The following ARHGEF3 variants were observed in gnomAD, a reference collection of about 807,000 sequenced individuals.
The protein encoded by ARHGEF3 is 59.8 kDA protein.
In ARHGEF3, 28 loss-of-function variants were observed where a neutral mutation model predicts 63.2. The observed-to-expected ratio is 0.44, with a 90% CI of 0.33 to 0.61. The LOEUF (loss-of-function observed/expected upper bound fraction) is 0.61, where lower values mean the gene tolerates loss of function less well. Among genes scored for constraint, ARHGEF3 ranks in the 20% least tolerant of loss-of-function variants. The probability of loss-of-function intolerance (pLI) is 0.03; values close to 1 mark genes in which losing one functional copy is unlikely to be tolerated. For synonymous variants in ARHGEF3, 266 were observed against 254.2 expected (o/e 1.05, Z -0.44); for missense variants, 533 against 659.3 (o/e 0.81, Z 2.10).
chr3:56,763,622 A>C (rs1272276085), intron 2 of ARHGEF3, among the ~76,000 whole-genome samples: 1 of 152,236 alleles, frequency 6.6e-6, no homozygotes, highest in Non-Finnish European at 1.5e-5. Context: ...GTGAGAGAAG[A>C]AAGATCCCAA....
At chr3:56,807,999 C>T (rs2037926116) in intron 4 of ARHGEF3, among the ~76,000 whole-genome samples, 1 of 151,978 alleles carries the variant, frequency 6.6e-6, no homozygotes, top group Non-Finnish European at 1.5e-5. Flanking sequence ...TGGCGGGTGC[C>T]TGTAGTCCTA....
At chr3:56,854,939 AGCAGTAAACAGGAGAGTGT>A in intron 4 of ARHGEF3, among the ~76,000 whole-genome samples, 1 of 152,202 alleles carries the variant, frequency 6.6e-6, no homozygotes, top group Non-Finnish European at 1.5e-5. Context: ...CAGAAATGTG[AGCAGTAAACAGGAGAGTGT>A]GCAGTCACAG....
At chr3:56,764,238 C>A (rs2035577637) in intron 2 of ARHGEF3, among the ~76,000 whole-genome samples, 1 of 152,080 alleles carries the variant, frequency 6.6e-6, no homozygotes, top group African/African-American at 2.4e-5. Context: ...TAGTGCAAGT[C>A]CAAAATTAGG....
intron 2 of ARHGEF3, among the ~76,000 whole-genome samples, chr3:57,014,191 C>T (rs1702853848): frequency 6.6e-6 from 1 of 152,124 alleles, no homozygotes; most frequent in Non-Finnish European, 1.5e-5. Flanking sequence ...CACGAACCCA[C>T]CAGAAGGAAA....
At chr3:56,930,378 A>G (rs141698208) in intron 3 of ARHGEF3, among the ~76,000 whole-genome samples, 21 of 152,324 alleles carry the variant, frequency 1.4e-4, no homozygotes, top group African/African-American at 4.8e-4. Flanking sequence ...TTGCTAAACC[A>G]GAGACTTTTA....
chr3:56,784,901 T>G (rs1469877906), intron 1 of ARHGEF3, among the ~76,000 whole-genome samples: 1 of 152,154 alleles, frequency 6.6e-6, no homozygotes, highest in Non-Finnish European at 1.5e-5. Flanking sequence ...TGAAGATGAC[T>G]CTCCTACCTT....
At chr3:56,750,963 A>T in intron 6 of ARHGEF3, 93 bp downstream of exon 6, 1 of 908,500 alleles carries the variant, frequency 1.1e-6, no homozygotes, top group Non-Finnish European at 1.5e-6. Flanking sequence ...TTGTAAAAAA[A>T]TAAAAATAAA....
At position 56,935,742 on chromosome 3, in the gene ARHGEF3, G is replaced by A. The variant is rs1056159001; in HGVS notation, c.129+23081C>T. ...ATCAGAAGGAACAAACTCCACACGC[G>A]CCACCTTAAGAGCTGTAACACTCAC... On this transcript the variant is annotated intron_variant, in intron 3 of 12. Transcript: ENST00000338458. Among the ~76,000 whole-genome samples the A allele has an allele frequency of 5.3e-5, 8 of 152,056 alleles. No homozygotes were observed. The East Asian group carries it at 7.7e-4, about 15-fold the overall frequency.
intron 1 of ARHGEF3, among the ~76,000 whole-genome samples, chr3:57,037,943 G>A (rs564589747): frequency 6.6e-6 from 1 of 152,230 alleles, no homozygotes; most frequent in Admixed American, 6.5e-5. Context: ...GGCAGGGACT[G>A]GGGGCATCGA....
chr3:57,065,096 G>C (rs1476456592), intron 1 of ARHGEF3, among the ~76,000 whole-genome samples: 2 of 152,236 alleles, frequency 1.3e-5, no homozygotes, highest in African/African-American at 4.8e-5. Flanking sequence ...TAAGTTGGGA[G>C]AAATAACTGC....
At chr3:56,734,037 A>T (rs555928779) in intron 8 of ARHGEF3, among the ~76,000 whole-genome samples, 88 of 151,412 alleles carry the variant, frequency 5.8e-4, no homozygotes, top group Non-Finnish European at 9.7e-4. Flanking sequence ...TTCTAAGTTA[A>T]TCAGAACCTT....
At chr3:56,773,013 C>T (rs2036090005) in intron 2 of ARHGEF3, among the ~76,000 whole-genome samples, 1 of 152,138 alleles carries the variant, frequency 6.6e-6, no homozygotes, top group African/African-American at 2.4e-5. Context: ...CTTAGGTCCT[C>T]ATTCTAAGCC....
chr3:56,899,062 A>C (rs548404547), intron 3 of ARHGEF3, among the ~76,000 whole-genome samples: 16 of 152,196 alleles, frequency 1.1e-4, no homozygotes, highest in Admixed American at 8.5e-4. Context: ...CAAAAACAAA[A>C]AACAACAACA....
intron 2 of ARHGEF3, among the ~76,000 whole-genome samples, chr3:56,994,083 A>AAAAAAAAAAACAAAAAG (rs1319930684): frequency 6.8e-6 from 1 of 146,058 alleles, no homozygotes; most frequent in Non-Finnish European, 1.5e-5. Context: ...AAAAAAAAAA[A>AAAAAAAAAAACAAAAAG]AAGCACACTG....
chr3:56,729,852 G>GCTCT (rs199892599), intron 9 of ARHGEF3, among the ~76,000 whole-genome samples: 25 of 121,158 alleles, frequency 2.1e-4, no homozygotes, highest in African/African-American at 7.8e-4. Flanking sequence ...TCAGAAACCC[G>GCTCT]CAGGTGGAGA....
At position 56,733,472 on chromosome 3, in the gene ARHGEF3, TA is replaced by T. The variant is rs998501436; in HGVS notation, c.1042-1049del. ...GCCTGGGTGACAGAGCAAGACTGTT[TA>T]AAAAAAAAAAGAAAAAAATTCTAAA... On this transcript the variant is annotated intron_variant, in intron 8 of 9. Transcript: ENST00000296315. Among the ~76,000 whole-genome samples the T allele has an allele frequency of 4.2e-3, 592 of 139,408 alleles. 4 individuals are homozygous for T. The highest frequency in any genetic ancestry group is 0.014 in the African/African-American group (543 of 37,792). The allele number at this position is 139,408 out of a possible 152,430, so 91.5% of individuals were successfully genotyped here.
intron 4 of ARHGEF3, among the ~76,000 whole-genome samples, chr3:56,877,373 A>G (rs1277174454): frequency 2.2e-5 from 3 of 135,350 alleles, no homozygotes; most frequent in Non-Finnish European, 4.8e-5. Flanking sequence ...TTGTACTATA[A>G]TCCTTTTTTT....
intron 4 of ARHGEF3, among the ~76,000 whole-genome samples, chr3:56,876,667 G>T (rs2040594601): frequency 6.9e-6 from 1 of 145,984 alleles, no homozygotes; most frequent in Non-Finnish European, 1.5e-5. Flanking sequence ...CTTGATGGTT[G>T]CAAATCAGCA....
At chr3:56,768,014 CT>C (rs2035804067) in intron 2 of ARHGEF3, among the ~76,000 whole-genome samples, 1 of 151,912 alleles carries the variant, frequency 6.6e-6, no homozygotes, top group Admixed American at 6.6e-5. Flanking sequence ...TCCCAAAGTG[CT>C]GGGATTACAT....
Sources: gnomAD v4.1 joint callset for allele counts (sites outside exome capture counted in the v4.1 genomes callset) on GRCh38, gnomAD v4.1.1 for gene constraint, MANE v1.5 for transcripts, NCBI Gene and HGNC (gene_info 2026-07-23, HGNC 2026-07-21) for gene names.